The following IL16 variants were observed in gnomAD, a reference collection of about 807,000 sequenced individuals.
The protein encoded by IL16 is pro-interleukin-16.
Under a neutral mutation model 110.1 loss-of-function variants are expected in IL16, and 67 were observed. The ratio of observed to expected loss-of-function variants is 0.61; its 90% CI spans 0.50 to 0.75. The LOEUF (loss-of-function observed/expected upper bound fraction) is 0.75, where lower values mean the gene tolerates loss of function less well. Ranked by LOEUF, IL16 falls within the 30% of genes least tolerant of loss-of-function variation. IL16 has a pLI of 0.00. For missense variants in IL16, 1,545 were observed against 1,655.0 expected (o/e 0.93, Z 1.15); for synonymous variants, 689 against 662.9 (o/e 1.04, Z -0.61).
chr15:81,199,825 C>T (rs910198108), intron 1 of IL16, among the ~76,000 whole-genome samples: 3 of 152,090 alleles, frequency 2.0e-5, no homozygotes, highest in African/African-American at 4.8e-5. Flanking sequence ...AAGATTCCAA[C>T]GAGGAATTTC....
At chr15:81,285,003 A>T (rs888905869) in intron 9 of IL16, among the ~76,000 whole-genome samples, 3 of 152,026 alleles carry the variant, frequency 2.0e-5, no homozygotes, top group Admixed American at 6.5e-5. Context: ...TCTGCAACTC[A>T]ATTTCCCTAT....
chr15:81,307,463 T>C (rs1398097853), intron 18 of IL16, among the ~76,000 whole-genome samples: 1 of 152,236 alleles, frequency 6.6e-6, no homozygotes, highest in Non-Finnish European at 1.5e-5. Flanking sequence ...GAAGTTCTGC[T>C]GCGGCTGCAG....
chr15:81,231,452 C>G (rs1567008881), intron 2 of IL16, among the ~76,000 whole-genome samples: 1 of 151,392 alleles, frequency 6.6e-6, no homozygotes, highest in African/African-American at 2.4e-5. Flanking sequence ...GGGCTCACCA[C>G]AACCTCAACC....
In IL16 at chr15:81,313,129, C is replaced by T. The variant is rs926972547; in HGVS notation, c.*4331C>T. On this transcript the variant is annotated 3_prime_UTR_variant, in exon 19 of 19. Coordinates refer to ENST00000683961, the MANE Select transcript of IL16 (RefSeq NM_172217.5). ...CCTCTGGTTGGCATTCTCAGAGATG[C>T]GCAGTCCATCAGCTTGTTCCAAAGA... The T allele has an allele frequency of 8.8e-5, 102 of 1,154,838 alleles. No individual in the cohort carries two copies. The highest frequency in any genetic ancestry group is 1.1e-4 in the Non-Finnish European group (98 of 859,782). The allele number at this position is 1,154,838 out of a possible 1,614,324, so 71.5% of individuals were successfully genotyped here.
In IL16 at chr15:81,299,273, C is replaced by G. The variant is rs763759603; in HGVS notation, c.2054-107C>G. ...CTGGGTGTCCCCCACTTCTGCTAAT[C>G]TCCTCCTCTTGAATCCTTCTTGCTG... On this transcript the variant is annotated intron_variant, in intron 13 of 18. Transcript: ENST00000683961. The G allele has an allele frequency of 6.3e-6, 10 of 1,588,076 alleles. No homozygotes were observed. The South Asian group carries it at 8.9e-5, about 14-fold the overall frequency.
intron 18 of IL16, among the ~76,000 whole-genome samples, chr15:81,308,313 T>C (rs1200438604): frequency 6.6e-6 from 1 of 152,224 alleles, no homozygotes; most frequent in Non-Finnish European, 1.5e-5. Flanking sequence ...CTATGAACTA[T>C]GGACGGTGCT....
chr15:81,229,235 A>C (rs5009735), intron 2 of IL16, among the ~76,000 whole-genome samples: 32,083 of 151,948 alleles, frequency 0.21, 4,897 homozygotes, highest in African/African-American at 0.42. Flanking sequence ...AGTGCAGGCA[A>C]AGACATGTCA....
At chr15:81,190,302 C>T (rs544592668) in intron 1 of IL16, among the ~76,000 whole-genome samples, 1 of 152,342 alleles carries the variant, frequency 6.6e-6, no homozygotes, top group East Asian at 1.9e-4. Context: ...CACCCAGGCA[C>T]TGACCACTCC....
At chr15:81,248,084 T>C (rs1034819459) in intron 2 of IL16, among the ~76,000 whole-genome samples, 12 of 152,232 alleles carry the variant, frequency 7.9e-5, no homozygotes, top group African/African-American at 2.7e-4. Flanking sequence ...TATGAGGCTA[T>C]GTTATAAGGT....
chr15:81,282,559 T>C, intron 8 of IL16, 80 bp from the exon 9 acceptor site: 1 of 999,246 alleles, frequency 1.0e-6, no homozygotes, highest in Non-Finnish European at 1.6e-6. Context: ...GGGGGCCATG[T>C]CTGTGGCACC....
chr15:81,305,882 G>C (rs754909488), intron 16 of IL16, 26 bp from the exon 17 acceptor site: 1 of 1,609,850 alleles, frequency 6.2e-7, no homozygotes, highest in Non-Finnish European at 8.5e-7. Context: ...GTGATTTCTG[G>C]TCCTGACTTC....
intron 2 of IL16, among the ~76,000 whole-genome samples, chr15:81,233,699 A>G (rs1897091255): frequency 6.6e-6 from 1 of 152,098 alleles, no homozygotes; most frequent in Admixed American, 6.6e-5. Context: ...GTTGAGTGCC[A>G]TCTTCTATAT....
At chr15:81,287,301 T>C (rs1343452754) in intron 10 of IL16, among the ~76,000 whole-genome samples, 1 of 152,134 alleles carries the variant, frequency 6.6e-6, no homozygotes, top group Non-Finnish European at 1.5e-5. Context: ...GAGAAGAGCA[T>C]GATCTTACTG....
chr15:81,249,916 C>T (rs1897707147), intron 2 of IL16, among the ~76,000 whole-genome samples: 2 of 152,010 alleles, frequency 1.3e-5, no homozygotes, highest in Admixed American at 1.3e-4. Flanking sequence ...TTCTTTCATC[C>T]TCTCTTTAAC....
At chr15:81,194,721 G>T (rs1000009007), upstream of IL16, among the ~76,000 whole-genome samples, 1 of 152,114 alleles carries the variant, frequency 6.6e-6, no homozygotes, top group Non-Finnish European at 1.5e-5. Context: ...AGGTGAGCAG[G>T]CTTCTGCTTG....
chr15:81,268,755 C>A (rs1898503287), intron 4 of IL16, among the ~76,000 whole-genome samples: 1 of 152,268 alleles, frequency 6.6e-6, no homozygotes, highest in Non-Finnish European at 1.5e-5. Context: ...AGAAACATTT[C>A]TAAGGCACTT....
chr15:81,300,100 C>G lies in IL16; in HGVS notation c.2774C>G (p.Pro925Arg), dbSNP rs566966530. ...RDPGVSESPP[P>R]GRQPNQKTLP... Reference sequence around the variant, plus strand: ...CCAGGTGTGTCTGAGTCCCCTCCCCCAGGGCGGCAGCCCAATCAGAAAACT... The same window carrying G: ...CCAGGTGTGTCTGAGTCCCCTCCCCGAGGGCGGCAGCCCAATCAGAAAACT... Residue 925 changes from proline (P) to arginine (R), a missense_variant, in exon 14 of 19, where the codon CCA (proline) becomes CGA (arginine). By Grantham distance (103) the Pro-to-Arg change is moderately radical (BLOSUM62 -2). This residue lies in a region of IL16 where 1,185 missense variants were observed against 1,238.8 expected (regional missense o/e 0.96). Coordinates refer to ENST00000683961, the MANE Select transcript of IL16 (RefSeq NM_172217.5). 6 of 1,584,062 alleles carry G rather than the reference C, an allele frequency of 3.8e-6. No homozygotes were observed. The South Asian group carries it at 4.7e-5, about 12-fold the overall frequency.
chr15:81,295,328 T>G (rs1477066913), intron 12 of IL16: 1 of 1,119,108 alleles, frequency 8.9e-7, no homozygotes, highest in Non-Finnish European at 1.1e-6. Flanking sequence ...CAAATTTATT[T>G]CAGGGGCTAA....
chr15:81,210,766 T>C (rs1161405227), intron 1 of IL16, among the ~76,000 whole-genome samples: 4 of 152,230 alleles, frequency 2.6e-5, no homozygotes, highest in Admixed American at 1.3e-4. Context: ...GTTTTCTAAG[T>C]ATAGATTCAT....
Sources: gnomAD v4.1 joint callset for allele counts (sites outside exome capture counted in the v4.1 genomes callset) on GRCh38, gnomAD v4.1.1 for gene constraint, gnomAD v4.1.1 regional missense constraint, MANE v1.5 for transcripts, NCBI Gene and HGNC (gene_info 2026-07-23, HGNC 2026-07-21) for gene names.